The following DPH5 variants were observed in gnomAD, a reference collection of about 807,000 sequenced individuals.
The protein encoded by DPH5 is diphthamide biosynthesis 5.
A neutral mutation model predicts 31.6 loss-of-function variants in DPH5; 31 were observed. The observed-to-expected ratio is 0.98, with a 90% CI of 0.74 to 1.32. DPH5 has a LOEUF of 1.32. Ranked by LOEUF, DPH5 falls within the 40% of genes most tolerant of loss-of-function variation. The pLI is 0.00. For missense variants in DPH5, 309 were observed against 335.7 expected (o/e 0.92, Z 0.62); for synonymous variants, 120 against 115.0 (o/e 1.04, Z -0.28).
intron 3 of DPH5, among the ~76,000 whole-genome samples, chr1:101,016,033 C>T (rs1486967251): frequency 2.0e-5 from 3 of 152,150 alleles, no homozygotes; most frequent in East Asian, 1.9e-4. Flanking sequence ...TTAGAGCATT[C>T]GTAAGAGTAG....
intron 4 of DPH5, among the ~76,000 whole-genome samples, chr1:101,004,936 A>C (rs897902761): frequency 9.8e-5 from 15 of 152,320 alleles, no homozygotes; most frequent in Middle Eastern, 3.4e-3. Context: ...ACTTCTCTCT[A>C]AACATATATC....
intron 4 of DPH5, among the ~76,000 whole-genome samples, chr1:101,007,652 T>C (rs1223495430): frequency 1.3e-5 from 2 of 151,726 alleles, no homozygotes; most frequent in African/African-American, 2.4e-5. Flanking sequence ...GAGGTGGAGC[T>C]TGCAGTGAGC....
intron 4 of DPH5, among the ~76,000 whole-genome samples, chr1:101,006,548 A>G (rs564324989): frequency 6.6e-6 from 1 of 152,266 alleles, no homozygotes; most frequent in South Asian, 2.1e-4. Flanking sequence ...AAGGATATAG[A>G]ACTCTAGATG....
At position 101,003,488 on chromosome 1, in the gene DPH5, C is replaced by T. The variant is rs570322070; in HGVS notation, c.370-1901G>A. ...AGAGAAAGGCTCTGCAGTCATGGCACTGGTTCTTACTATGATTAATCATGG... is the reference window on the plus strand; with the variant it reads ...AGAGAAAGGCTCTGCAGTCATGGCATTGGTTCTTACTATGATTAATCATGG... On this transcript the variant is annotated intron_variant, in intron 4 of 7. Coordinates refer to ENST00000370109, the MANE Select transcript of DPH5 (RefSeq NM_015958.3). Among the ~76,000 whole-genome samples the T allele has an allele frequency of 2.0e-5, 3 of 152,324 alleles. No homozygotes were observed. The East Asian group carries it at 5.8e-4, about 29-fold the overall frequency.
chr1:101,023,736 G>A (rs1297545326), intron 2 of DPH5, among the ~76,000 whole-genome samples: 1 of 152,134 alleles, frequency 6.6e-6, no homozygotes, highest in African/African-American at 2.4e-5. Flanking sequence ...TGTGAACATT[G>A]ACAATTTCTA....
intron 4 of DPH5, among the ~76,000 whole-genome samples, chr1:101,002,971 G>A (rs1374398229): frequency 1.3e-5 from 2 of 152,084 alleles, no homozygotes; most frequent in Non-Finnish European, 2.9e-5. Flanking sequence ...ACTCATAATG[G>A]TGACTTTGAG....
chr1:101,014,624 TTAAAA>T (rs1659937090), intron 3 of DPH5, among the ~76,000 whole-genome samples: 1 of 152,214 alleles, frequency 6.6e-6, no homozygotes, highest in Non-Finnish European at 1.5e-5. Context: ...TGGCAATTTC[TTAAAA>T]TAAAACAATG....
At chr1:100,998,972 G>A (rs533641071) in intron 5 of DPH5, among the ~76,000 whole-genome samples, 1 of 152,274 alleles carries the variant, frequency 6.6e-6, no homozygotes, top group African/African-American at 2.4e-5. Context: ...TGCTGTTGTG[G>A]CATGAAAGTA....
In DPH5 at chr1:101,015,507, G is replaced by C. The variant is rs1047188181; in HGVS notation, c.261-1689C>G. Among the ~76,000 whole-genome samples the C allele has an allele frequency of 2.6e-5, 4 of 152,282 alleles. No homozygotes were observed. In the East Asian group the frequency reaches 7.7e-4, roughly 29 times the overall value. ...TCTTGTTCCACTTACAGCGCACAGG[G>C]AGAATAGATTTAGCATAATTCTTAC... On this transcript the variant is annotated intron_variant, in intron 3 of 7. Transcript: ENST00000370109.
At chr1:101,019,364 T>C (rs1660297344) in intron 3 of DPH5, among the ~76,000 whole-genome samples, 1 of 152,184 alleles carries the variant, frequency 6.6e-6, no homozygotes, top group South Asian at 2.1e-4. Context: ...AGATGGACAG[T>C]GCTGATAGTT....
At chr1:100,998,624 A>T (rs1658587736) in intron 5 of DPH5, among the ~76,000 whole-genome samples, 1 of 152,230 alleles carries the variant, frequency 6.6e-6, no homozygotes. Context: ...GAGAATATAG[A>T]CTAAATAAAA....
chr1:101,001,388 C>T, intron 5 of DPH5, 79 bp downstream of exon 5: 2 of 1,445,252 alleles, frequency 1.4e-6, no homozygotes, highest in Non-Finnish European at 1.9e-6. Context: ...TAATTATCCA[C>T]AGACCTTAAC....
chr1:101,021,609 G>A (rs774671791), intron 3 of DPH5, 32 bp downstream of exon 3: 1 of 1,588,162 alleles, frequency 6.3e-7, no homozygotes, highest in Non-Finnish European at 8.6e-7. Flanking sequence ...AAGTAAATGA[G>A]TTAAAAACTC....
intron 5 of DPH5, chr1:100,996,203 T>TCAATCAAA (rs1401477522): frequency 2.0e-5 from 3 of 152,214 alleles, no homozygotes; most frequent in African/African-American, 7.2e-5. Context: ...CTATAATCAA[T>TCAATCAAA]GGTGTTAGTC....
chr1:101,010,973 C>T (rs1377947882), intron 4 of DPH5, among the ~76,000 whole-genome samples: 1 of 152,188 alleles, frequency 6.6e-6, no homozygotes, highest in Non-Finnish European at 1.5e-5. Context: ...CCCAGATCTA[C>T]TATATCAGAA....
At chr1:100,995,647 A>G (rs1570651598) in intron 5 of DPH5, 1 of 155,754 alleles carries the variant, frequency 6.4e-6, no homozygotes, top group East Asian at 1.9e-4. Context: ...GGATTTGAGC[A>G]TGGACTGTGT....
Position 100,990,066 on chromosome 1 carries a change from T to G in DPH5, c.*342A>C. 3.5e-6 allele frequency: 1 copy of G among 281,848 alleles called. No homozygotes were observed. Among genetic ancestry groups the G allele is most frequent in the Non-Finnish European group, 6.8e-6 (1 of 146,308 alleles). 17.5% of individuals were successfully genotyped at this position (281,848 alleles called of 1,614,324 possible). ...TGAAGAAATACCCGAGACTGGGTAA[T>G]TATAAAAGAGGTTTAATTTTCGACT... On this transcript the variant is annotated 3_prime_UTR_variant, in exon 8 of 8. Coordinates refer to ENST00000370109, the MANE Select transcript of DPH5 (RefSeq NM_015958.3).
intron 5 of DPH5, chr1:100,996,151 T>A (rs1230523438): frequency 6.6e-6 from 1 of 152,176 alleles, no homozygotes; most frequent in East Asian, 1.9e-4. Flanking sequence ...TGTCACATTA[T>A]GGAGAAAAAA....
In DPH5 at chr1:100,992,660, T is replaced by C; in HGVS notation, c.611A>G (p.Gln204Arg). ...ACCTGGTTCTTCTCCTCGTATTCTT[T>C]GATTTTGAACAATCTCCAGAAGCTG... ...AQQLLEIVQNQRIRGEEPAVT... is the reference protein window; with the variant it reads ...AQQLLEIVQNRRIRGEEPAVT... Residue 204 changes from glutamine to arginine, a missense_variant, in exon 7 of 8, where the codon CAA becomes CGA. Gln to Arg is a conservative substitution (Grantham distance 43). Transcript: ENST00000370109. 6.2e-7 allele frequency: 1 copy of C among 1,613,948 alleles called. No homozygotes were observed.
Sources: allele counts gnomAD v4.1 joint callset (sites outside exome capture counted in the v4.1 genomes callset), GRCh38; gene constraint gnomAD v4.1.1; transcripts MANE v1.5; gene names NCBI Gene and HGNC (gene_info 2026-07-23, HGNC 2026-07-21).